Variants in TP63 observed in about 807,000 individuals in gnomAD.
TP63 encodes tumor protein 63.
In TP63, 17 loss-of-function variants were observed where a neutral mutation model predicts 82.8. That is an observed-to-expected ratio of 0.21 (90% confidence interval 0.14 to 0.31). The LOEUF (loss-of-function observed/expected upper bound fraction) is 0.31. TP63 is among the 10% of genes least tolerant of loss of function. The probability of loss-of-function intolerance (pLI) is 1.00; values close to 1 mark genes in which losing one functional copy is unlikely to be tolerated. For synonymous variants in TP63, 330 were observed against 321.7 expected (o/e 1.03, Z -0.28); for missense variants, 648 against 895.3 (o/e 0.72, Z 3.52).
At chr3:189,643,800 C>T (rs1014197529) in intron 1 of TP63, among the ~76,000 whole-genome samples, 6 of 152,106 alleles carry the variant, frequency 3.9e-5, no homozygotes, top group East Asian at 1.9e-4. Flanking sequence ...CTTTTCATTG[C>T]GGTGGACAGG....
chr3:189,727,809 A>G (rs181381605), intron 1 of TP63, among the ~76,000 whole-genome samples: 1 of 152,072 alleles, frequency 6.6e-6, no homozygotes, highest in Non-Finnish European at 1.5e-5. Context: ...CCTAAATTCT[A>G]ATTTGGGGGC....
chr3:189,790,829 C>T (rs76245245), intron 3 of TP63, among the ~76,000 whole-genome samples: 2,991 of 152,138 alleles, frequency 0.02, 106 homozygotes, highest in African/African-American at 0.069. Context: ...AAAATCAAAA[C>T]AAAATGCATA....
upstream of TP63, chr3:189,631,272 G>A: frequency 7.6e-7 from 1 of 1,307,744 alleles, no homozygotes; most frequent in South Asian, 1.5e-5. Context: ...AGGATGCCCA[G>A]CTGGTAAGAA....
At chr3:189,883,919 A>T (rs952706838) in intron 10 of TP63, among the ~76,000 whole-genome samples, 2 of 150,560 alleles carry the variant, frequency 1.3e-5, no homozygotes, top group East Asian at 2.0e-4. Context: ...GTAAGAAGGA[A>T]TTTACTCTGA....
At chr3:189,743,425 C>T (rs1721141990) in intron 3 of TP63, among the ~76,000 whole-genome samples, 1 of 152,102 alleles carries the variant, frequency 6.6e-6, no homozygotes, top group Non-Finnish European at 1.5e-5. Context: ...TTTAAAGACA[C>T]TTTCCCTTTG....
chr3:189,649,389 A>G (rs1309370247), intron 1 of TP63, among the ~76,000 whole-genome samples: 3 of 146,984 alleles, frequency 2.0e-5, no homozygotes, highest in Non-Finnish European at 4.5e-5. Context: ...ACCAAATAGC[A>G]TTATGTTTCA....
intron 11 of TP63, among the ~76,000 whole-genome samples, chr3:189,887,977 C>T (rs560339338): frequency 8.5e-5 from 13 of 152,158 alleles, no homozygotes; most frequent in African/African-American, 2.9e-4. Flanking sequence ...CTGCCTCAGC[C>T]TCCCGAATAG....
chr3:189,842,182 C>T (rs1272102373), intron 4 of TP63, among the ~76,000 whole-genome samples: 5 of 152,020 alleles, frequency 3.3e-5, no homozygotes, highest in African/African-American at 7.3e-5. Flanking sequence ...CATGCTGCTA[C>T]TGCAGTGGAA....
intron 3 of TP63, among the ~76,000 whole-genome samples, chr3:189,743,985 G>A (rs1316842459): frequency 6.6e-6 from 1 of 152,116 alleles, no homozygotes; most frequent in Admixed American, 6.5e-5. Context: ...AGCTCATGCT[G>A]AATCCCACAA....
intron 1 of TP63, among the ~76,000 whole-genome samples, chr3:189,654,303 C>A (rs1713140828): frequency 6.7e-6 from 1 of 150,084 alleles, no homozygotes; most frequent in Non-Finnish European, 1.5e-5. Context: ...GGACTCATGG[C>A]AGAATGAAAA....
intron 1 of TP63, among the ~76,000 whole-genome samples, chr3:189,685,472 G>T (rs1716360314): frequency 6.6e-6 from 1 of 151,908 alleles, no homozygotes; most frequent in African/African-American, 2.4e-5. Context: ...GTTCTCTAAG[G>T]CCCAGTCAAG....
Position 189,760,284 on chromosome 3 carries a change from A to G in TP63, c.324+21510A>G, listed in dbSNP as rs373871167. Among the ~76,000 whole-genome samples the G allele has an allele frequency of 1.6e-3, 241 of 152,316 alleles. 2 individuals are homozygous for G. Among genetic ancestry groups the G allele is most frequent in the African/African-American group, 5.3e-3 (219 of 41,574 alleles). On this transcript the variant is annotated intron_variant, in intron 3 of 13. Coordinates refer to ENST00000264731, the MANE Select transcript of TP63 (RefSeq NM_003722.5). ...CCCAGTCTAAAGTTTCTTCTGAGAC[A>G]AGGCAAGTCCCTTCTGCCTATGAGC...
intron 10 of TP63, among the ~76,000 whole-genome samples, chr3:189,874,306 A>G (rs984673819): frequency 6.6e-6 from 1 of 152,192 alleles, no homozygotes; most frequent in Non-Finnish European, 1.5e-5. Flanking sequence ...TCCTGAACTC[A>G]GGTGATCCAC....
rs4488809 is a variant in TP63, at chr3:189,638,472, T to C, written c.62+6895T>C. Reference sequence around the variant, plus strand: ...AAGCATCTGCTCTTGAGGCAGTAAATTGAAACAGTGATTCTTATTACTAGT... The same window carrying C: ...AAGCATCTGCTCTTGAGGCAGTAAACTGAAACAGTGATTCTTATTACTAGT... On this transcript the variant is annotated intron_variant, in intron 1 of 13. Transcript: ENST00000264731. Among the ~76,000 whole-genome samples, 67,992 of 151,916 alleles carry C rather than the reference T, an allele frequency of 0.45. 15,811 individuals carry two copies. The highest frequency in any genetic ancestry group is 0.51 in the East Asian group (2,601 of 5,138).
At chr3:189,719,962 A>T (rs1208381481) in intron 1 of TP63, among the ~76,000 whole-genome samples, 2 of 152,208 alleles carry the variant, frequency 1.3e-5, no homozygotes, top group African/African-American at 4.8e-5. Context: ...TTCTGTTTCT[A>T]AAAGGATATT....
chr3:189,760,542 G>A (rs1028004952), intron 3 of TP63, among the ~76,000 whole-genome samples: 1 of 152,192 alleles, frequency 6.6e-6, no homozygotes, highest in African/African-American at 2.4e-5. Context: ...ACATGGCCTT[G>A]GGCAGCTCTG....
intron 3 of TP63, among the ~76,000 whole-genome samples, chr3:189,769,169 T>G (rs1723158887): frequency 6.6e-6 from 1 of 152,216 alleles, no homozygotes; most frequent in Admixed American, 6.5e-5. Flanking sequence ...AAATGGTCAC[T>G]GTTGTCATTC....
At chr3:189,779,037 A>G (rs1322846581) in intron 3 of TP63, among the ~76,000 whole-genome samples, 9 of 152,014 alleles carry the variant, frequency 5.9e-5, no homozygotes, top group Non-Finnish European at 1.3e-4. Flanking sequence ...TTTGCTATGC[A>G]TTTCTTTTTG....
chr3:189,635,424 C>T (rs1030951556), intron 1 of TP63, among the ~76,000 whole-genome samples: 3 of 152,218 alleles, frequency 2.0e-5, no homozygotes, highest in South Asian at 2.1e-4. Context: ...TCCACATCTG[C>T]TCTTTTTCTT....
Sources: gnomAD v4.1 joint callset for allele counts (sites outside exome capture counted in the v4.1 genomes callset) on GRCh38, gnomAD v4.1.1 for gene constraint, MANE v1.5 for transcripts, NCBI Gene and HGNC (gene_info 2026-07-23, HGNC 2026-07-21) for gene names.